Variants in UNC13B observed in about 807,000 individuals in gnomAD.
The protein encoded by UNC13B is unc-13 homolog B.
UNC13B carries 144 observed loss-of-function variants against 211.0 expected under a neutral mutation model. The ratio of observed to expected loss-of-function variants is 0.68; its 90% CI spans 0.60 to 0.78. The LOEUF is 0.78. UNC13B is among the 30% of genes least tolerant of loss of function. UNC13B has a pLI of 0.00. For synonymous variants in UNC13B, 709 were observed against 725.8 expected (o/e 0.98, Z 0.37); for missense variants, 1,777 against 2,002.0 (o/e 0.89, Z 2.14).
At chr9:35,205,320 C>A (rs1024958840) in intron 1 of UNC13B, among the ~76,000 whole-genome samples, 1 of 152,108 alleles carries the variant, frequency 6.6e-6, no homozygotes, top group African/African-American at 2.4e-5. Context: ...TACACACACA[C>A]AAACACACAC....
At chr9:35,189,376 C>T (rs1360631281) in intron 1 of UNC13B, among the ~76,000 whole-genome samples, 2 of 152,184 alleles carry the variant, frequency 1.3e-5, no homozygotes, top group Non-Finnish European at 2.9e-5. Flanking sequence ...CTAACTTTCA[C>T]GTGTCCCAGG....
At chr9:35,324,375 T>C (rs1377913663) in intron 11 of UNC13B, among the ~76,000 whole-genome samples, 1 of 152,222 alleles carries the variant, frequency 6.6e-6, no homozygotes. Context: ...GAAACTTCAG[T>C]ATACTTAGGC....
At chr9:35,200,735 G>C (rs1823234433) in intron 1 of UNC13B, among the ~76,000 whole-genome samples, 1 of 152,172 alleles carries the variant, frequency 6.6e-6, no homozygotes, top group Non-Finnish European at 1.5e-5. Context: ...GAGATTTTGG[G>C]CTGAGATGAT....
At chr9:35,350,762 G>A (rs1832674539) in intron 11 of UNC13B, among the ~76,000 whole-genome samples, 1 of 152,202 alleles carries the variant, frequency 6.6e-6, no homozygotes, top group African/African-American at 2.4e-5. Flanking sequence ...CCAAGTGAAC[G>A]GTTGCCATCA....
At position 35,243,296 on chromosome 9, in the gene UNC13B, C is replaced by A. The variant is rs1271683211; in HGVS notation, c.400C>A (p.Pro134Thr). The change falls in exon 6 of 40, where the codon CCA (proline) becomes ACA (threonine). Residue 134 changes from proline to threonine, a missense_variant. Transcript: ENST00000635942. Reference sequence around the variant, plus strand: ...TCTTCTTTTTTTTATGGTAGATATCCCAGAGGAGGAAGCCAGATATTGGAC... The same window carrying A: ...TCTTCTTTTTTTTATGGTAGATATCACAGAGGAGGAAGCCAGATATTGGAC... ...DTRFELPFDI[P>T]EEEARYWTYK... 2 of 1,612,874 alleles carry A rather than the reference C, an allele frequency of 1.2e-6. No individual in the cohort carries two copies. Among genetic ancestry groups the A allele is most frequent in the Admixed American group, 1.7e-5 (1 of 59,880 alleles).
Position 35,399,677 on chromosome 9 carries a change from A to T in UNC13B, c.12284A>T (p.Asn4095Ile). Residue 4095 changes from asparagine to isoleucine, a missense_variant, in exon 36 of 40, where the codon AAT (asparagine) becomes ATT (isoleucine). Asn to Ile is a moderately radical substitution (Grantham distance 149). Coordinates refer to ENST00000635942, the MANE Select transcript of UNC13B (RefSeq NM_001371189.2). Reference sequence around the variant, plus strand: ...CACATGGTACGAGAGGAAACACGGAATCTCACTCCAAAGCAGTGTGCAGTC... The same window carrying T: ...CACATGGTACGAGAGGAAACACGGATTCTCACTCCAAAGCAGTGTGCAGTC... The part of the protein sequence containing the change: ...KDHMVREETR[N>I]LTPKQCAVLD... 6.2e-7 allele frequency: 1 copy of T among 1,614,074 alleles called. No homozygotes were observed. Among genetic ancestry groups the T allele is most frequent in the Non-Finnish European group, 8.5e-7 (1 of 1,180,002 alleles).
intron 11 of UNC13B, among the ~76,000 whole-genome samples, chr9:35,314,815 A>G (rs1240159490): frequency 6.7e-6 from 1 of 148,812 alleles, no homozygotes; most frequent in African/African-American, 2.5e-5. Flanking sequence ...ATATATATAT[A>G]TACACCACAT....
At chr9:35,329,057 C>T (rs913434732) in intron 11 of UNC13B, among the ~76,000 whole-genome samples, 1 of 151,946 alleles carries the variant, frequency 6.6e-6, no homozygotes, top group South Asian at 2.1e-4. Flanking sequence ...ATGCGTGAGC[C>T]ACCTCGCCCA....
At chr9:35,389,030 G>C (rs1228122348) in intron 24 of UNC13B, among the ~76,000 whole-genome samples, 1 of 152,172 alleles carries the variant, frequency 6.6e-6, no homozygotes, top group African/African-American at 2.4e-5. Context: ...GGCTTATTAA[G>C]GACTGTGGAA....
intron 11 of UNC13B, among the ~76,000 whole-genome samples, chr9:35,330,970 T>C (rs1831336628): frequency 6.6e-6 from 1 of 152,164 alleles, no homozygotes. Context: ...TGGTAGGTAT[T>C]TTCTGGGCAT....
intron 11 of UNC13B, among the ~76,000 whole-genome samples, chr9:35,321,016 A>G (rs1005833237): frequency 2.0e-5 from 3 of 152,154 alleles, no homozygotes; most frequent in South Asian, 2.1e-4. Flanking sequence ...AACATTAGCT[A>G]TATTTTCTTA....
chr9:35,203,562 C>T (rs1378534203), intron 1 of UNC13B, among the ~76,000 whole-genome samples: 1 of 152,182 alleles, frequency 6.6e-6, no homozygotes, highest in African/African-American at 2.4e-5. Flanking sequence ...TGAGGGTAAC[C>T]CGACCTTTCT....
chr9:35,247,113 C>A (rs1292947485), intron 6 of UNC13B, among the ~76,000 whole-genome samples: 1 of 152,086 alleles, frequency 6.6e-6, no homozygotes, highest in Non-Finnish European at 1.5e-5. Context: ...CTCTTTGAAG[C>A]AACTGTGAAT....
intron 1 of UNC13B, among the ~76,000 whole-genome samples, chr9:35,178,588 T>G (rs1821764934): frequency 6.6e-6 from 1 of 151,980 alleles, no homozygotes; most frequent in Non-Finnish European, 1.5e-5. Context: ...TCATTTCAAT[T>G]TCAGAGTGGT....
At chr9:35,372,133 G>A (rs773935167) in intron 13 of UNC13B, among the ~76,000 whole-genome samples, 11 of 152,174 alleles carry the variant, frequency 7.2e-5, no homozygotes, top group Non-Finnish European at 4.4e-5. Context: ...TTAGCCAGCC[G>A]TGGTGGCGAG....
chr9:35,186,738 A>G (rs1282566766), intron 1 of UNC13B, among the ~76,000 whole-genome samples: 1 of 152,150 alleles, frequency 6.6e-6, no homozygotes, highest in Admixed American at 6.5e-5. Flanking sequence ...TTTACATAGC[A>G]CATGGGGAAG....
At chr9:35,272,345 C>T (rs1367331679) in intron 7 of UNC13B, among the ~76,000 whole-genome samples, 5 of 149,100 alleles carry the variant, frequency 3.4e-5, no homozygotes, top group Admixed American at 6.8e-5. Flanking sequence ...GCAACCTTTG[C>T]CTCCTAGGTT....
chr9:35,215,256 AGCTAGGTGTGGTGGCACACGCCTGT>A (rs1190516452), intron 1 of UNC13B, among the ~76,000 whole-genome samples: 1 of 152,154 alleles, frequency 6.6e-6, no homozygotes, highest in Non-Finnish European at 1.5e-5. Context: ...TTAAAAAATT[AGCTAGGTGTGGTGGCACACGCCTGT>A]AATCCCAGCT....
At chr9:35,353,268 CA>C in intron 11 of UNC13B, 1 of 1,232,276 alleles carries the variant, frequency 8.1e-7, no homozygotes, top group East Asian at 3.2e-5. Context: ...AAGTTTTATA[CA>C]AGTAAACTGG....
Sources: allele counts gnomAD v4.1 joint callset (sites outside exome capture counted in the v4.1 genomes callset), GRCh38; gene constraint gnomAD v4.1.1; transcripts MANE v1.5; gene names NCBI Gene and HGNC (gene_info 2026-07-23, HGNC 2026-07-21).